The following FAT1 variants were observed in gnomAD, a reference collection of about 807,000 sequenced individuals.
The protein encoded by FAT1 is FAT atypical cadherin 1, also known as protocadherin Fat 1.
In FAT1, 171 loss-of-function variants were observed where a neutral mutation model predicts 329.8. The observed-to-expected ratio is 0.52, with a 90% CI of 0.46 to 0.59. The LOEUF is 0.59. Among genes scored for constraint, FAT1 ranks in the 20% least tolerant of loss-of-function variants. The pLI, the probability that FAT1 is intolerant of heterozygous loss-of-function variation, is 0.00. For missense variants in FAT1, 5,672 were observed against 5,774.4 expected (o/e 0.98, Z 0.57); for synonymous variants, 2,233 against 2,228.6 (o/e 1.00, Z -0.06).
At position 186,609,947 on chromosome 4, in the gene FAT1, T is replaced by G. The variant is rs541924289; in HGVS notation, c.9922A>C (p.Thr3308Pro). 6.2e-7 allele frequency: 1 copy of G among 1,613,482 alleles called. No individual in the cohort carries two copies. The highest frequency in any genetic ancestry group is 8.5e-7 in the Non-Finnish European group (1 of 1,179,440). The change falls in exon 15 of 27, where the codon ACT becomes CCT. Residue 3308 changes from threonine to proline, a missense_variant. Physicochemically the swap from Thr to Pro is conservative, Grantham distance 38 (BLOSUM62 -1). This residue lies in a region of FAT1 where 1,706 missense variants were observed against 1,859.1 expected (regional missense o/e 0.92). Transcript: ENST00000441802. ...CTCAGTGAAGGCGTGCCTCCATCAG[T>G]GGCCTCTACTGTTAGGTAATACTCA... ...SHEYYLTVEA[T>P]DGGTPSLSDV...
intron 9 of FAT1, among the ~76,000 whole-genome samples, chr4:186,626,746 A>C (rs1350839488): frequency 7.1e-6 from 1 of 141,008 alleles, no homozygotes; most frequent in Admixed American, 7.1e-5. Context: ...ATGAGGGACC[A>C]ACATGGCACC....
At chr4:186,724,224 A>G (rs1447942728), upstream of FAT1, among the ~76,000 whole-genome samples, 2 of 149,048 alleles carry the variant, frequency 1.3e-5, no homozygotes, top group Non-Finnish European at 3.0e-5. This position sits in a 1 kb window ranked among gnomAD's most constrained non-coding sequence, Gnocchi z 5.3. Context: ...CCTAATGAGA[A>G]AGCTTCCCAG....
chr4:186,652,604 G>A (rs956145381), intron 3 of FAT1, among the ~76,000 whole-genome samples: 3 of 152,098 alleles, frequency 2.0e-5, no homozygotes, highest in Admixed American at 6.5e-5. Context: ...AAATATCTGC[G>A]TATCTTGGTA....
At chr4:186,668,747 C>G (rs1195848128) in intron 2 of FAT1, among the ~76,000 whole-genome samples, 1 of 152,204 alleles carries the variant, frequency 6.6e-6, no homozygotes, top group Admixed American at 6.5e-5. Flanking sequence ...GTAACTTTAG[C>G]AGTTACCTCA....
At chr4:186,592,269 C>T (rs1162901789) in intron 26 of FAT1, among the ~76,000 whole-genome samples, 1 of 152,230 alleles carries the variant, frequency 6.6e-6, no homozygotes, top group Non-Finnish European at 1.5e-5. Context: ...CCATGCTCTA[C>T]ACCCTTTTCT....
chr4:186,613,863 TTTAAATAAA>T (rs1739580300), intron 12 of FAT1, among the ~76,000 whole-genome samples: 5 of 152,246 alleles, frequency 3.3e-5, no homozygotes, highest in Non-Finnish European at 4.4e-5. Flanking sequence ...AAATATGCTA[TTTAAATAAA>T]ATGGATAAAA....
chr4:186,605,994 G>T, intron 17 of FAT1, 76 bp downstream of exon 17: 1 of 1,372,432 alleles, frequency 7.3e-7, no homozygotes, highest in Non-Finnish European at 1.0e-6. Context: ...CTTTGGATAA[G>T]AAAGAAAAGC....
At chr4:186,612,707 G>T (rs1173809960) in intron 13 of FAT1, among the ~76,000 whole-genome samples, 1 of 152,146 alleles carries the variant, frequency 6.6e-6, no homozygotes, top group Non-Finnish European at 1.5e-5. Flanking sequence ...ACATTCTATA[G>T]TCCAATTTTC....
chr4:186,689,337 T>G (rs1166472230), intron 2 of FAT1, among the ~76,000 whole-genome samples: 1 of 152,222 alleles, frequency 6.6e-6, no homozygotes, highest in Admixed American at 6.5e-5. Context: ...TAACAAATGT[T>G]TATCCTCAAA....
intron 2 of FAT1, among the ~76,000 whole-genome samples, chr4:186,687,196 A>G (rs1480932548): frequency 6.6e-6 from 1 of 152,220 alleles, no homozygotes; most frequent in Non-Finnish European, 1.5e-5. Context: ...TAAACACACA[A>G]CCAGAACCAC....
intron 7 of FAT1, among the ~76,000 whole-genome samples, chr4:186,631,143 C>T (rs1227308636): frequency 2.0e-5 from 3 of 152,188 alleles, no homozygotes; most frequent in Non-Finnish European, 2.9e-5. Context: ...GACCTGGATA[C>T]ACAATGGCTG....
chr4:186,693,956 C>T (rs1279000527), intron 2 of FAT1, among the ~76,000 whole-genome samples: 1 of 152,160 alleles, frequency 6.6e-6, no homozygotes, highest in Admixed American at 6.5e-5. Context: ...CCACCATCTC[C>T]CCACTCTTCA....
chr4:186,622,468 G>A (rs1740092217), intron 9 of FAT1, among the ~76,000 whole-genome samples: 1 of 152,096 alleles, frequency 6.6e-6, no homozygotes, highest in African/African-American at 2.4e-5. Context: ...TCTCGTGGGT[G>A]GAGACCAGGG....
chr4:186,607,924 G>T (rs558160548), intron 16 of FAT1, among the ~76,000 whole-genome samples: 124 of 152,218 alleles, frequency 8.1e-4, no homozygotes, highest in Non-Finnish European at 1.1e-3. Flanking sequence ...CTACACTTAG[G>T]GTTTTCCAGT....
At chr4:186,682,546 A>T (rs1363985409) in intron 2 of FAT1, among the ~76,000 whole-genome samples, 1 of 150,752 alleles carries the variant, frequency 6.6e-6, no homozygotes, top group Non-Finnish European at 1.5e-5. Flanking sequence ...AAAAAAAAAG[A>T]AAGTTGTAAA....
chr4:186,621,835 G>T, intron 9 of FAT1, 60 bp from the exon 10 acceptor site: 1 of 1,034,372 alleles, frequency 9.7e-7, no homozygotes, highest in Non-Finnish European at 1.3e-6. Flanking sequence ...AGTAGTAGTA[G>T]TTAGAGAAAC....
At chr4:186,589,331 A>G in intron 26 of FAT1, 111 bp from the exon 27 acceptor site, 1 of 1,212,872 alleles carries the variant, frequency 8.2e-7, no homozygotes. Context: ...TTATGCCTTC[A>G]TTCAAAGTTC....
intron 4 of FAT1, among the ~76,000 whole-genome samples, chr4:186,638,943 C>T (rs992363232): frequency 3.3e-5 from 5 of 150,040 alleles, no homozygotes; most frequent in East Asian, 3.9e-4. Context: ...GTCTCTCAGC[C>T]GCTTCCTGAC....
intron 2 of FAT1, among the ~76,000 whole-genome samples, chr4:186,692,479 AT>A: frequency 6.6e-6 from 1 of 151,982 alleles, no homozygotes; most frequent in South Asian, 2.1e-4. Context: ...CGCCCGGCTA[AT>A]TTTTTGTATT....
Sources: allele counts gnomAD v4.1 joint callset (sites outside exome capture counted in the v4.1 genomes callset), GRCh38; gene constraint gnomAD v4.1.1; regional missense constraint gnomAD v4.1.1; non-coding constraint Gnocchi (gnomAD v3.1); transcripts MANE v1.5; gene names NCBI Gene and HGNC (gene_info 2026-07-23, HGNC 2026-07-21).